Variants in CCDC30 observed in about 807,000 individuals in gnomAD.
CCDC30 encodes coiled-coil domain containing 30.
A neutral mutation model predicts 100.2 loss-of-function variants in CCDC30; 70 were observed. That is an observed-to-expected ratio of 0.70 (90% CI 0.58 to 0.85). The LOEUF (loss-of-function observed/expected upper bound fraction) is 0.85, where lower values mean the gene tolerates loss of function less well. Ranked by LOEUF, CCDC30 falls within the 40% of genes least tolerant of loss-of-function variation. CCDC30 has a pLI of 0.00. For synonymous variants in CCDC30, 233 were observed against 269.5 expected (o/e 0.86, Z 1.33); for missense variants, 652 against 771.2 (o/e 0.85, Z 1.83).
At chr1:42,591,972 A>T (rs1044886963) in intron 10 of CCDC30, 1 of 152,244 alleles carries the variant, frequency 6.6e-6, no homozygotes, top group Non-Finnish European at 1.5e-5. Context: ...TTAGACTTGC[A>T]TGGGGCCTAT....
chr1:42,582,217 G>A (rs1360424659), intron 9 of CCDC30, among the ~76,000 whole-genome samples: 1 of 152,152 alleles, frequency 6.6e-6, no homozygotes, highest in Non-Finnish European at 1.5e-5. Flanking sequence ...GTGGCAGAAT[G>A]AGACCCTGTC....
At chr1:42,537,168 G>A (rs143678506) in intron 6 of CCDC30, 285 of 455,926 alleles carry the variant, frequency 6.3e-4, no homozygotes, top group African/African-American at 5.2e-3. Context: ...TTTAGCAGAC[G>A]TTTGATTGTT....
chr1:42,482,881 T>C, intron 3 of CCDC30, 65 bp downstream of exon 3: 1 of 1,061,592 alleles, frequency 9.4e-7, no homozygotes, highest in Non-Finnish European at 1.2e-6. Context: ...CATCTCAGGG[T>C]GGAACATGAG....
At chr1:42,463,550 T>A (rs1470430710) in exon 1 of CCDC30, 1 of 152,446 alleles carries the variant, frequency 6.6e-6, no homozygotes, top group Non-Finnish European at 1.5e-5. Flanking sequence ...GCTGGAGTGA[T>A]TCCGCCTGAA....
intron 6 of CCDC30, among the ~76,000 whole-genome samples, chr1:42,564,293 T>C (rs1205095190): frequency 1.3e-5 from 2 of 152,276 alleles, no homozygotes; most frequent in East Asian, 1.9e-4. Context: ...GTTTGATACA[T>C]GTGCTTTTTT....
At chr1:42,603,950 T>A (rs953307254) in intron 10 of CCDC30, among the ~76,000 whole-genome samples, 1 of 152,262 alleles carries the variant, frequency 6.6e-6, no homozygotes, top group South Asian at 2.1e-4. Flanking sequence ...ACACGCATAG[T>A]GGCTCACACC....
chr1:42,562,560 A>G (rs1267352339), intron 6 of CCDC30, among the ~76,000 whole-genome samples: 1 of 152,216 alleles, frequency 6.6e-6, no homozygotes, highest in East Asian at 1.9e-4. Context: ...AGACTTCATG[A>G]CAAAAACGCC....
At chr1:42,521,652 G>A (rs955748464) in intron 6 of CCDC30, among the ~76,000 whole-genome samples, 1 of 151,962 alleles carries the variant, frequency 6.6e-6, no homozygotes, top group Non-Finnish European at 1.5e-5. Context: ...TGAGAGTAGG[G>A]TATTGACTCC....
intron 6 of CCDC30, among the ~76,000 whole-genome samples, chr1:42,538,145 T>C (rs12733056): frequency 5.1e-5 from 4 of 78,922 alleles, no homozygotes; most frequent in African/African-American, 1.2e-4. Context: ...GGACACTGTC[T>C]CCACAAAAAA....
At chr1:42,646,595 G>A (rs1395976905) in intron 15 of CCDC30, among the ~76,000 whole-genome samples, 3 of 152,194 alleles carry the variant, frequency 2.0e-5, no homozygotes, top group Non-Finnish European at 4.4e-5. Context: ...ACTCTGCTCT[G>A]TAACTCAGCC....
exon 9 of CCDC30, chr1:42,581,389 T>C (rs1645963179): frequency 1.2e-6 from 2 of 1,606,812 alleles, no homozygotes; most frequent in East Asian, 4.5e-5. Context: ...AATTAGAACA[T>C]GCTCATAAAG....
In CCDC30 at chr1:42,643,678, TA is replaced by T. The variant is rs1207283298; in HGVS notation, c.1557-1013del. Among the ~76,000 whole-genome samples, 3 of 151,820 alleles carry T rather than the reference TA, an allele frequency of 2.0e-5. No individual in the cohort carries two copies. In the East Asian group the frequency reaches 5.8e-4, roughly 29 times the overall value. On this transcript the variant is annotated intron_variant, in intron 13 of 16. Transcript: ENST00000668663. ...AAGGAGTATTTCCTCATTTTACAAA[TA>T]AGGAAACTGAGGCTCAGATTTGTCA...
intron 7 of CCDC30, among the ~76,000 whole-genome samples, chr1:42,576,246 C>A (rs1188679381): frequency 6.6e-6 from 1 of 152,086 alleles, no homozygotes; most frequent in Non-Finnish European, 1.5e-5. Flanking sequence ...GAGATGATGC[C>A]CCAGACTAGA....
At chr1:42,629,049 TAA>T (rs1040942539) in intron 11 of CCDC30, among the ~76,000 whole-genome samples, 1 of 152,238 alleles carries the variant, frequency 6.6e-6, no homozygotes, top group East Asian at 1.9e-4. Context: ...TCTTTCTACT[TAA>T]GAGTAGTTTA....
intron 9 of CCDC30, among the ~76,000 whole-genome samples, chr1:42,587,456 G>T (rs67083779): frequency 0.031 from 4,673 of 152,262 alleles, 99 homozygotes; most frequent in Middle Eastern, 0.061. Flanking sequence ...GGCCATAATA[G>T]CAGGTATACA....
rs374816040 is a variant in CCDC30, at chr1:42,555,658, T to TA, written c.457-10632dup. Reference sequence around the variant, plus strand: ...GATGGGTCATCTCCCTGAATGTAAGTAAAAAATGTGACTCATCTGTGGGTT... The same window carrying TA: ...GATGGGTCATCTCCCTGAATGTAAGTAAAAAAATGTGACTCATCTGTGGGTT... On this transcript the variant is annotated intron_variant, in intron 6 of 16. Transcript: ENST00000668663. 7.1e-3 allele frequency among the ~76,000 whole-genome samples: 1,075 copies of TA among 152,292 alleles called. 15 individuals are homozygous for TA. The highest frequency in any genetic ancestry group is 0.025 in the African/African-American group (1,030 of 41,552).
chr1:42,459,850 A>G, upstream of CCDC30: 1 of 1,614,206 alleles, frequency 6.2e-7, no homozygotes, highest in Non-Finnish European at 8.5e-7. Flanking sequence ...GAAATAGAAA[A>G]AGGCGTAGAG....
intron 6 of CCDC30, among the ~76,000 whole-genome samples, chr1:42,546,507 T>C (rs1645148158): frequency 6.8e-6 from 1 of 147,642 alleles, no homozygotes; most frequent in African/African-American, 2.5e-5. Flanking sequence ...TGCAAAAGTA[T>C]AAGGAAATTA....
chr1:42,486,665 C>T (rs901651102), intron 3 of CCDC30, among the ~76,000 whole-genome samples: 1 of 152,206 alleles, frequency 6.6e-6, no homozygotes, highest in Non-Finnish European at 1.5e-5. Context: ...GGCCTTTGCC[C>T]TATGCATCCT....
Sources: gnomAD v4.1 joint callset for allele counts (sites outside exome capture counted in the v4.1 genomes callset) on GRCh38, gnomAD v4.1.1 for gene constraint, MANE v1.5 for transcripts, NCBI Gene and HGNC (gene_info 2026-07-23, HGNC 2026-07-21) for gene names.